The following ST7 variants were observed in gnomAD, a reference collection of about 807,000 sequenced individuals.
ST7 encodes the protein suppression of tumorigenicity 7.
ST7 carries 28 observed loss-of-function variants against 78.7 expected under a neutral mutation model. That is an observed-to-expected ratio of 0.36 (90% CI 0.26 to 0.49). The LOEUF (loss-of-function observed/expected upper bound fraction) is 0.49, where lower values mean the gene tolerates loss of function less well. ST7 is among the 20% of genes least tolerant of loss of function. ST7 has a pLI of 0.99. For synonymous variants in ST7, 247 were observed against 249.6 expected (o/e 0.99, Z 0.10); for missense variants, 418 against 696.0 (o/e 0.60, Z 4.49).
intron 9 of ST7, among the ~76,000 whole-genome samples, chr7:117,160,008 C>T (rs1042052068): frequency 6.6e-5 from 10 of 152,026 alleles, no homozygotes; most frequent in Non-Finnish European, 1.5e-4. Flanking sequence ...TCGAGACCAT[C>T]CTGGCCAACA....
At chr7:116,976,488 G>A (rs1371112196) in intron 1 of ST7, among the ~76,000 whole-genome samples, 1 of 152,142 alleles carries the variant, frequency 6.6e-6, no homozygotes, top group Non-Finnish European at 1.5e-5. Flanking sequence ...TGGACTAACA[G>A]TTACCTAGGA....
intron 9 of ST7, among the ~76,000 whole-genome samples, chr7:117,150,381 A>C (rs1332496159): frequency 6.6e-6 from 1 of 152,168 alleles, no homozygotes; most frequent in Non-Finnish European, 1.5e-5. Flanking sequence ...AATTCTTCAT[A>C]GTGTTCCATC....
At chr7:116,956,444 T>C (rs925934352) in intron 1 of ST7, 3 of 470,950 alleles carry the variant, frequency 6.4e-6, no homozygotes, top group Middle Eastern at 6.5e-4. Flanking sequence ...TTACTCTTCC[T>C]GTGATGAAGG....
intron 9 of ST7, among the ~76,000 whole-genome samples, chr7:117,166,621 G>A (rs1807572717): frequency 6.6e-6 from 1 of 152,066 alleles, no homozygotes; most frequent in Non-Finnish European, 1.5e-5. Context: ...CAGGCGCAGT[G>A]GCTCACACCT....
Position 116,953,653 on chromosome 7 carries a change from T to C in ST7, c.113T>C (p.Leu38Pro), listed in dbSNP as rs746104078. The change falls in exon 1 of 16, where the codon CTG (leucine) becomes CCG (proline). Residue 38 changes from leucine to proline, a missense_variant. By Grantham distance (98) the Leu-to-Pro change is moderately conservative. This residue lies in a region of ST7 where 71 missense variants were observed against 61.5 expected (regional missense o/e 1.16). Coordinates refer to ENST00000323984, the MANE Select transcript of ST7 (RefSeq NM_001369598.1). ...FFIVLFLVYI[L>P]RVPLKINDNL... The stretch of plus-strand genomic sequence containing the variant: ...ATCGTGCTATTCCTGGTCTACATCC[T>C]GCGGGTGCCTTTGAAAATCAACGAC... The C allele has an allele frequency of 1.7e-5, 25 of 1,499,454 alleles. No individual in the cohort carries two copies. Among genetic ancestry groups the C allele is most frequent in the Non-Finnish European group, 2.2e-5 (24 of 1,111,158 alleles). The allele number at this position is 1,499,454 out of a possible 1,614,324, so 92.9% of individuals were successfully genotyped here.
intron 1 of ST7, chr7:116,958,776 T>A: frequency 2.3e-6 from 1 of 436,760 alleles, no homozygotes; most frequent in Non-Finnish European, 4.6e-6. Flanking sequence ...TAGCATTATA[T>A]CTAAAAGACC....
intron 15 of ST7, among the ~76,000 whole-genome samples, chr7:117,229,441 T>G (rs1192980896): frequency 6.6e-6 from 1 of 152,236 alleles, no homozygotes; most frequent in Admixed American, 6.5e-5. Flanking sequence ...TCATTCCTGT[T>G]TGACGACACC....
chr7:117,212,340 G>A (rs1040992085), intron 13 of ST7, among the ~76,000 whole-genome samples: 3 of 152,122 alleles, frequency 2.0e-5, no homozygotes, highest in South Asian at 2.1e-4. Flanking sequence ...GGCCACTGTT[G>A]GGGAGCCAGG....
At chr7:117,019,222 A>G (rs928681256) in intron 1 of ST7, among the ~76,000 whole-genome samples, 1 of 152,188 alleles carries the variant, frequency 6.6e-6, no homozygotes, top group Non-Finnish European at 1.5e-5. Flanking sequence ...TTACGTATAT[A>G]TGTATATATA....
chr7:116,972,758 A>G (rs1029121958), intron 1 of ST7: 12 of 928,246 alleles, frequency 1.3e-5, no homozygotes, highest in Non-Finnish European at 2.1e-5. Flanking sequence ...CTACGGTTCA[A>G]GGAGGCCACC....
intron 1 of ST7, among the ~76,000 whole-genome samples, chr7:117,038,601 C>T (rs942277639): frequency 6.6e-6 from 1 of 152,124 alleles, no homozygotes; most frequent in African/African-American, 2.4e-5. Flanking sequence ...GTAAATGAGA[C>T]AGCATATGTA....
chr7:116,993,616 C>A (rs1794522403), intron 1 of ST7, among the ~76,000 whole-genome samples: 1 of 152,230 alleles, frequency 6.6e-6, no homozygotes, highest in Admixed American at 6.5e-5. Flanking sequence ...GAACAGAAAT[C>A]TTGACTTAAT....
chr7:117,181,598 G>A (rs541705641), intron 10 of ST7, among the ~76,000 whole-genome samples: 6 of 152,076 alleles, frequency 3.9e-5, no homozygotes, highest in African/African-American at 1.2e-4. Context: ...ACGTTGCTGA[G>A]GTATAATTAT....
chr7:116,970,133 T>A (rs903333373), intron 1 of ST7, among the ~76,000 whole-genome samples: 2 of 151,960 alleles, frequency 1.3e-5, no homozygotes, highest in Admixed American at 1.3e-4. Context: ...AGGAAAGCTA[T>A]GTTATAGAGA....
chr7:117,213,652 AC>A (rs1792465548), intron 13 of ST7, among the ~76,000 whole-genome samples: 1 of 151,810 alleles, frequency 6.6e-6, no homozygotes, highest in Non-Finnish European at 1.5e-5. Context: ...AAAAAAAAAA[AC>A]AAAACTGAAT....
At chr7:117,059,405 G>C (rs1798232762) in intron 1 of ST7, among the ~76,000 whole-genome samples, 1 of 152,134 alleles carries the variant, frequency 6.6e-6, no homozygotes, top group Non-Finnish European at 1.5e-5. Context: ...AAAGAAAATA[G>C]TGGTCAAGGC....
intron 1 of ST7, among the ~76,000 whole-genome samples, chr7:117,044,544 T>C (rs1351744383): frequency 6.6e-6 from 1 of 152,050 alleles, no homozygotes; most frequent in Non-Finnish European, 1.5e-5. Flanking sequence ...AAAGATGGGG[T>C]TTCACCATAT....
rs139940639 is a variant in ST7, at chr7:116,963,579, G to C, written c.151+9888G>C. Among the ~76,000 whole-genome samples the C allele has an allele frequency of 2.0e-5, 3 of 151,446 alleles. No individual in the cohort carries two copies. In the East Asian group the frequency reaches 5.8e-4, roughly 29 times the overall value. On this transcript the variant is annotated intron_variant, in intron 1 of 15. Transcript: ENST00000323984. ...TTTCCATTCTGAATTAACTGAAAGT[G>C]CACTGGTTACACTTATACTCTGTGG... is the stretch of plus-strand genomic sequence containing the variant.
chr7:117,019,599 G>C (rs1233791286), intron 1 of ST7, among the ~76,000 whole-genome samples: 1 of 152,210 alleles, frequency 6.6e-6, no homozygotes, highest in Non-Finnish European at 1.5e-5. Context: ...TATATTCCTA[G>C]AGCAGCGTTT....
Sources: gnomAD v4.1 joint callset for allele counts (sites outside exome capture counted in the v4.1 genomes callset) on GRCh38, gnomAD v4.1.1 for gene constraint, gnomAD v4.1.1 regional missense constraint, MANE v1.5 for transcripts, NCBI Gene and HGNC (gene_info 2026-07-23, HGNC 2026-07-21) for gene names.